GMDS: variants seen among roughly 807,000 people sequenced by gnomAD.
GMDS encodes the protein GDP-mannose 4,6-dehydratase.
GMDS carries 20 observed loss-of-function variants against 49.9 expected under a neutral mutation model. The observed-to-expected ratio is 0.40, with a 90% CI of 0.28 to 0.58. The LOEUF is 0.58. Ranked by LOEUF, GMDS falls within the 20% of genes least tolerant of loss-of-function variation. The pLI, the probability that GMDS is intolerant of heterozygous loss-of-function variation, is 0.42. For synonymous variants in GMDS, 177 were observed against 178.6 expected, an observed-to-expected ratio of 0.99 and a Z score of 0.07; for missense variants, 362 against 481.4, an observed-to-expected ratio of 0.75 and a Z score of 2.32.
intron 6 of GMDS, chr6:1,951,882 A>T: frequency 1.0e-6 from 1 of 985,130 alleles, no homozygotes. Context: ...TTACAAAGAT[A>T]AGAGCAGCTG....
intron 7 of GMDS, among the ~76,000 whole-genome samples, chr6:1,807,334 T>C (rs988040297): frequency 3.3e-5 from 5 of 152,336 alleles, no homozygotes; most frequent in African/African-American, 7.2e-5. Context: ...CTCAGCCTAA[T>C]TGTTTTGTTT....
Position 1,726,525 on chromosome 6 carries a change from T to A in GMDS, c.891-13A>T, listed in dbSNP as rs982626565. ...CTTTCCTTCCCACCTGTAAGGAAGATAAACACTGAATCAGCTCCTAATTGC... is the reference window on the plus strand; with the variant it reads ...CTTTCCTTCCCACCTGTAAGGAAGAAAAACACTGAATCAGCTCCTAATTGC... On this transcript the variant is annotated splice_polypyrimidine_tract_variant and intron_variant, in intron 8 of 10. Transcript: ENST00000380815. 9 of 1,568,020 alleles carry A rather than the reference T, an allele frequency of 5.7e-6. No homozygotes were observed. The African/African-American group carries it at 9.4e-5, about 16-fold the overall frequency.
At chr6:1,866,371 G>C (rs11962929) in intron 7 of GMDS, among the ~76,000 whole-genome samples, 2,545 of 152,298 alleles carry the variant, frequency 0.017, 72 homozygotes, top group African/African-American at 0.058. Flanking sequence ...TGAGCTTCAC[G>C]AAGTTTACAT....
At chr6:1,932,090 C>T (rs959321931) in intron 6 of GMDS, among the ~76,000 whole-genome samples, 1 of 152,176 alleles carries the variant, frequency 6.6e-6, no homozygotes, top group African/African-American at 2.4e-5. Context: ...AGAAATGGAG[C>T]TTGAATGGAG....
chr6:1,867,368 C>T (rs1181118419), intron 7 of GMDS, among the ~76,000 whole-genome samples: 1 of 152,124 alleles, frequency 6.6e-6, no homozygotes, highest in Non-Finnish European at 1.5e-5. Context: ...TACTACAGGG[C>T]AATACAAACA....
At chr6:2,058,407 A>G (rs762776270) in intron 4 of GMDS, among the ~76,000 whole-genome samples, 1 of 152,092 alleles carries the variant, frequency 6.6e-6, no homozygotes, top group Non-Finnish European at 1.5e-5. Flanking sequence ...CCTAAAAAAG[A>G]TACTGGTGCC....
At chr6:1,727,321 T>G (rs944023225) in intron 8 of GMDS, among the ~76,000 whole-genome samples, 1 of 152,246 alleles carries the variant, frequency 6.6e-6, no homozygotes, top group Non-Finnish European at 1.5e-5. Context: ...ATTCTACTTA[T>G]CCATTTTATG....
At chr6:2,127,541 C>G (rs1427546620) in intron 1 of GMDS, among the ~76,000 whole-genome samples, 1 of 152,242 alleles carries the variant, frequency 6.6e-6, no homozygotes, top group Non-Finnish European at 1.5e-5. Flanking sequence ...TCTTCTCACC[C>G]AGGCTGCTTC....
intron 4 of GMDS, among the ~76,000 whole-genome samples, chr6:2,009,317 T>C (rs1767401494): frequency 6.6e-6 from 1 of 152,198 alleles, no homozygotes; most frequent in Non-Finnish European, 1.5e-5. Flanking sequence ...TTTATACAGA[T>C]AGCTTCCCAA....
chr6:1,972,921 A>G (rs1764700381), intron 4 of GMDS, among the ~76,000 whole-genome samples: 2 of 152,216 alleles, frequency 1.3e-5, no homozygotes, highest in Admixed American at 1.3e-4. Flanking sequence ...ATACCTCTAA[A>G]AACATTATTC....
At chr6:2,090,396 T>C (rs1016157222) in intron 4 of GMDS, among the ~76,000 whole-genome samples, 1 of 152,166 alleles carries the variant, frequency 6.6e-6, no homozygotes, top group African/African-American at 2.4e-5. Flanking sequence ...CTGACGATAG[T>C]TATAAACACA....
intron 4 of GMDS, among the ~76,000 whole-genome samples, chr6:2,054,547 G>T (rs1029844979): frequency 6.6e-6 from 1 of 152,074 alleles, no homozygotes; most frequent in South Asian, 2.1e-4. Flanking sequence ...CATAGCTATT[G>T]GAAATGAGGT....
intron 9 of GMDS, among the ~76,000 whole-genome samples, chr6:1,630,406 C>G (rs1395632295): frequency 6.6e-6 from 1 of 152,238 alleles, no homozygotes; most frequent in Non-Finnish European, 1.5e-5. Context: ...CATTGGCTGC[C>G]TGGCCTTTGA....
intron 8 of GMDS, among the ~76,000 whole-genome samples, chr6:1,739,659 G>A (rs1280543053): frequency 6.6e-6 from 1 of 152,324 alleles, no homozygotes; most frequent in East Asian, 1.9e-4. Context: ...TTTCTAGGTG[G>A]ATTGTTCTTA....
In GMDS at chr6:2,245,587, C is replaced by A. The variant is rs1057432776; in HGVS notation, c.-165G>T. 108 of 397,218 alleles carry A rather than the reference C, an allele frequency of 2.7e-4. No homozygotes were observed. The highest frequency in any genetic ancestry group is 4.4e-4 in the Non-Finnish European group (100 of 228,426). The allele number at this position is 397,218 out of a possible 1,614,324, so 24.6% of individuals were successfully genotyped here. A position where few individuals can be genotyped will look rare whatever the true frequency, so the allele number is the denominator to read the frequency against. ...GCCGCCACAGTCTGACAGGGGCGCA[C>A]GGGAGGCCGTGCAGGGAGGGCCGGG... On this transcript the variant is annotated 5_prime_UTR_variant, in exon 1 of 11. Coordinates refer to ENST00000380815, the MANE Select transcript of GMDS (RefSeq NM_001500.4).
intron 9 of GMDS, among the ~76,000 whole-genome samples, chr6:1,666,588 A>G (rs886318397): frequency 6.6e-6 from 1 of 152,226 alleles, no homozygotes; most frequent in African/African-American, 2.4e-5. Context: ...ATATGAAATT[A>G]TACAGTCAGC....
At chr6:2,036,063 G>A (rs776273497) in intron 4 of GMDS, among the ~76,000 whole-genome samples, 3 of 152,202 alleles carry the variant, frequency 2.0e-5, no homozygotes, top group Middle Eastern at 3.4e-3. Context: ...TGTCTCAGCC[G>A]TCATTTATTG....
intron 4 of GMDS, among the ~76,000 whole-genome samples, chr6:1,987,272 CTTTTTTCAACTTT>C (rs11267897): frequency 0.36 from 55,185 of 151,840 alleles, 10,109 homozygotes; most frequent in Middle Eastern, 0.44. Context: ...TTTTTAAAAC[CTTTTTTCAACTTT>C]TTTTTTCTTC....
In GMDS at chr6:1,960,938, G is replaced by T. The variant is rs774625510; in HGVS notation, c.374C>A (p.Ala125Glu). The stretch of plus-strand genomic sequence containing the variant: ...TAGAGTGCCAACTCCGTCAACGTCC[G>T]CAGTGTACTCAGCGAGGTCAAAGGA... ...KISFDLAEYT[A>E]DVDGVGTLRL... is the part of the protein sequence containing the mutation. Residue 125 changes from alanine (A) to glutamate (E), a missense_variant, in exon 5 of 11, where the codon GCG (alanine) becomes GAG (glutamate). Coordinates refer to ENST00000380815, the MANE Select transcript of GMDS (RefSeq NM_001500.4). 5 of 1,576,198 alleles carry T rather than the reference G, an allele frequency of 3.2e-6. No individual in the cohort carries two copies. Among genetic ancestry groups the T allele is most frequent in the Non-Finnish European group, 4.3e-6 (5 of 1,151,706 alleles).
Sources: gnomAD v4.1 joint callset for allele counts (sites outside exome capture counted in the v4.1 genomes callset) on GRCh38, gnomAD v4.1.1 for gene constraint, MANE v1.5 for transcripts, NCBI Gene and HGNC (gene_info 2026-07-23, HGNC 2026-07-21) for gene names.